The following AURKA variants were observed in gnomAD, a reference collection of about 807,000 sequenced individuals.
AURKA encodes aurora 2.
A neutral mutation model predicts 40.9 loss-of-function variants in AURKA; 12 were observed. That is an observed-to-expected ratio of 0.29 (90% CI 0.19 to 0.48). AURKA has a LOEUF of 0.48. AURKA is among the 20% of genes least tolerant of loss of function. AURKA has a pLI of 0.99. For missense variants in AURKA, 322 were observed against 462.1 expected (o/e 0.70, Z 2.78); for synonymous variants, 170 against 164.3 (o/e 1.03, Z -0.26).
chr20:56,380,429 A>G (rs1985566635), intron 6 of AURKA, among the ~76,000 whole-genome samples: 1 of 152,144 alleles, frequency 6.6e-6, no homozygotes, highest in Non-Finnish European at 1.5e-5. Context: ...ACCACAAAAT[A>G]AAGTATTGCA....
intron 1 of AURKA, among the ~76,000 whole-genome samples, chr20:56,389,909 A>G (rs1234015956): frequency 6.6e-6 from 1 of 152,164 alleles, no homozygotes; most frequent in Non-Finnish European, 1.5e-5. Flanking sequence ...CCACCTGGTC[A>G]AACCATTATT....
chr20:56,375,424 C>T (rs1229675497), intron 6 of AURKA, among the ~76,000 whole-genome samples: 1 of 151,164 alleles, frequency 6.6e-6, no homozygotes, highest in Non-Finnish European at 1.5e-5. Flanking sequence ...AGATTACAAG[C>T]GTGAGCTACC....
intron 5 of AURKA, 34 bp downstream of exon 5, chr20:56,382,951 G>A: frequency 6.2e-7 from 1 of 1,610,222 alleles, no homozygotes; most frequent in Non-Finnish European, 8.5e-7. Flanking sequence ...CAGCATTGGT[G>A]AACATTCTTT....
intron 6 of AURKA, 104 bp downstream of exon 6, chr20:56,381,329 C>G: frequency 7.1e-7 from 1 of 1,404,146 alleles, no homozygotes; most frequent in Non-Finnish European, 1.0e-6. Flanking sequence ...TTAAGCTATC[C>G]TTACGTCAAG....
chr20:56,388,250 A>G, intron 1 of AURKA, 48 bp from the exon 2 acceptor site: 1 of 1,072,450 alleles, frequency 9.3e-7, no homozygotes, highest in South Asian at 2.2e-5. Context: ...CCACCTGCTT[A>G]AAGTGCTGTT....
At chr20:56,384,354 T>A (rs774854636) in intron 3 of AURKA, 30 bp from the exon 4 acceptor site, 1 of 1,509,180 alleles carries the variant, frequency 6.6e-7, no homozygotes, top group East Asian at 2.3e-5. Flanking sequence ...AACCTGTTTT[T>A]AGAATAACTA....
At chr20:56,384,465 G>C in intron 3 of AURKA, 141 bp from the exon 4 acceptor site, 2 of 670,750 alleles carry the variant, frequency 3.0e-6, no homozygotes, top group Non-Finnish European at 5.0e-6. Context: ...TTTTTTTAAA[G>C]TTTTCCTTAT....
At chr20:56,380,943 G>A (rs918221704) in intron 6 of AURKA, among the ~76,000 whole-genome samples, 2 of 151,960 alleles carry the variant, frequency 1.3e-5, no homozygotes, top group African/African-American at 4.8e-5. Flanking sequence ...ATTCAGTGTG[G>A]GGTATATGGG....
chr20:56,382,033 G>A (rs752771908), intron 5 of AURKA, among the ~76,000 whole-genome samples: 3 of 152,020 alleles, frequency 2.0e-5, no homozygotes, highest in Non-Finnish European at 2.9e-5. Context: ...GCTTGTTGGT[G>A]CATGCCTGCA....
intron 1 of AURKA, among the ~76,000 whole-genome samples, chr20:56,391,068 T>C (rs1987043561): frequency 6.6e-6 from 1 of 152,234 alleles, no homozygotes; most frequent in Admixed American, 6.5e-5. Flanking sequence ...GTGACTCTAA[T>C]CTGCAACCAG....
intron 7 of AURKA, among the ~76,000 whole-genome samples, chr20:56,372,840 A>G (rs186062514): frequency 2.0e-5 from 3 of 152,352 alleles, no homozygotes; most frequent in African/African-American, 7.2e-5. Context: ...TAAGATTTGA[A>G]TTGTTTTGAG....
In AURKA at chr20:56,386,474, C is replaced by G. The variant is rs145616804; in HGVS notation, c.102G>C (p.Gln34His). The G allele has an allele frequency of 5.0e-6, 8 of 1,614,090 alleles. No homozygotes were observed. In the African/African-American group the frequency reaches 1.1e-4, roughly 22 times the overall value. The change falls in exon 3 of 9, where the codon CAG becomes CAC. Residue 34 changes from glutamine (Q) to histidine (H), a missense_variant. By Grantham distance (24) the Gln-to-His change is conservative. Coordinates refer to ENST00000395915, the MANE Select transcript of AURKA (RefSeq NM_198437.3). Reference sequence around the variant, plus strand: ...GGCCACTATTTACAGGTAATGGATTCTGACAAGGAAATTGCTGAGTCACGA... The same window carrying G: ...GGCCACTATTTACAGGTAATGGATTGTGACAAGGAAATTGCTGAGTCACGA... Reference protein sequence around the residue: ...RVLVTQQFPCQNPLPVNSGQA... With the variant: ...RVLVTQQFPCHNPLPVNSGQA...
chr20:56,380,379 A>G (rs1272201568), intron 6 of AURKA, among the ~76,000 whole-genome samples: 1 of 151,834 alleles, frequency 6.6e-6, no homozygotes, highest in Non-Finnish European at 1.5e-5. Context: ...AAAAAAAGAA[A>G]GAAAAAAAGT....
Position 56,369,835 on chromosome 20 carries a change from G to A in AURKA, c.*323C>T, listed in dbSNP as rs1983859811. ...GGGCAGAGTGGTCACTTTCCCCACA[G>A]CCAGGCTCTGGATTTGCCTCCTGTG... On this transcript the variant is annotated 3_prime_UTR_variant, in exon 9 of 9. Transcript: ENST00000395915. 2 of 484,288 alleles carry A rather than the reference G, an allele frequency of 4.1e-6. No individual in the cohort carries two copies. Among genetic ancestry groups the A allele is most frequent in the Non-Finnish European group, 7.6e-6 (2 of 264,448 alleles). The allele number at this position is 484,288 out of a possible 1,614,324, so 30.0% of individuals were successfully genotyped here.
chr20:56,371,425 C>T (rs1984196100), intron 7 of AURKA, among the ~76,000 whole-genome samples: 1 of 151,022 alleles, frequency 6.6e-6, no homozygotes, highest in Non-Finnish European at 1.5e-5. Flanking sequence ...CGCACCACTG[C>T]ACTCCAGCCT....
intron 3 of AURKA, 124 bp from the exon 4 acceptor site, chr20:56,384,448 TG>T: frequency 2.6e-6 from 2 of 756,146 alleles, no homozygotes; most frequent in Non-Finnish European, 2.2e-6. Context: ...ATGATAAATC[TG>T]TTTTTTTTTT....
chr20:56,374,930 C>T (rs895139905), intron 6 of AURKA, among the ~76,000 whole-genome samples: 9 of 152,126 alleles, frequency 5.9e-5, no homozygotes, highest in African/African-American at 1.9e-4. Flanking sequence ...TGCCTATAAT[C>T]GCAGCTACTC....
At chr20:56,371,188 T>C (rs140065378) in intron 7 of AURKA, among the ~76,000 whole-genome samples, 1,634 of 151,140 alleles carry the variant, frequency 0.011, 22 homozygotes, top group African/African-American at 0.033. Flanking sequence ...CCTGGCTGGG[T>C]GCAGTGGCTC....
chr20:56,377,729 G>C (rs562006039), intron 6 of AURKA, among the ~76,000 whole-genome samples: 31 of 152,264 alleles, frequency 2.0e-4, no homozygotes, highest in South Asian at 1.0e-3. Context: ...GGAGGTTGCA[G>C]TGAGCCAAAA....
Sources: allele counts gnomAD v4.1 joint callset (sites outside exome capture counted in the v4.1 genomes callset), GRCh38; gene constraint gnomAD v4.1.1; transcripts MANE v1.5; gene names NCBI Gene and HGNC (gene_info 2026-07-23, HGNC 2026-07-21).